Variants in ZNF556 observed in about 807,000 individuals in gnomAD.
ZNF556 encodes zinc finger protein 556.
ZNF556 carries 11 observed loss-of-function variants against 13.6 expected under a neutral mutation model. The observed-to-expected ratio is 0.81, with a 90% CI of 0.51 to 1.33. The LOEUF (loss-of-function observed/expected upper bound fraction) is 1.33. ZNF556 is among the 40% of genes most tolerant of loss of function. ZNF556 has a pLI of 0.00. For missense variants in ZNF556, 633 were observed against 566.2 expected (o/e 1.12, Z -1.20); for synonymous variants, 229 against 207.8 (o/e 1.10, Z -0.88).
rs972245489 is a variant in ZNF556, at chr19:2,883,389, A to T, written c.*5060A>T. ...CCATATGCTTAGACTTCCAGCAGCT[A>T]TTAGAAGAGAAAAATATGTAACAGC... On this transcript the variant is annotated 3_prime_UTR_variant, in exon 4 of 4. Transcript: ENST00000307635. 1 of 152,176 alleles carries T rather than the reference A, an allele frequency of 6.6e-6. No individual in the cohort carries two copies. Among genetic ancestry groups the T allele is most frequent in the Non-Finnish European group, 1.5e-5 (1 of 68,036 alleles). The allele number at this position is 152,176 out of a possible 1,614,324, so 9.4% of individuals were successfully genotyped here. A position where few individuals can be genotyped will look rare whatever the true frequency, so the allele number is the denominator to read the frequency against.
chr19:2,878,743 A>G lies in ZNF556; in HGVS notation c.*414A>G, dbSNP rs979812450. The G allele has an allele frequency of 1.9e-5, 3 of 159,648 alleles. No individual in the cohort carries two copies. Among genetic ancestry groups the G allele is most frequent in the Non-Finnish European group, 2.8e-5 (2 of 72,396 alleles). The allele number at this position is 159,648 out of a possible 1,614,324, so 9.9% of individuals were successfully genotyped here. ...TTATAAATATGGTATTGCCTTTATC[A>G]GGACCACATCCTAAAAGTGGGCCTC... On this transcript the variant is annotated 3_prime_UTR_variant, in exon 4 of 4. Transcript: ENST00000307635.
chr19:2,877,733 T>C lies in ZNF556; in HGVS notation c.775T>C (p.Tyr259His), dbSNP rs750065252. ...HVMMHAGGRP[Y>H]ECKHCGKAFR... is the part of the protein sequence containing the mutation. ...GATGATGCACGCCGGAGGGAGACCG[T>C]ATGAGTGCAAGCACTGTGGGAAAGC... Residue 259 changes from tyrosine to histidine, a missense_variant, in exon 4 of 4, where the codon TAT (tyrosine) becomes CAT (histidine). Coordinates refer to ENST00000307635, the MANE Select transcript of ZNF556 (RefSeq NM_024967.3). 6.8e-6 allele frequency: 11 copies of C among 1,613,438 alleles called. No homozygotes were observed. In the East Asian group the frequency reaches 2.5e-4, roughly 36 times the overall value.
At chr19:2,872,845 C>T (rs1294212966) in intron 1 of ZNF556, among the ~76,000 whole-genome samples, 2 of 146,240 alleles carry the variant, frequency 1.4e-5, no homozygotes, top group Non-Finnish European at 3.0e-5. Flanking sequence ...AAGAAATATA[C>T]TAAAAGGCCG....
In ZNF556 at chr19:2,876,138, A is replaced by G. The variant is rs2064817748; in HGVS notation, c.176A>G (p.Asp59Gly). 6.2e-7 allele frequency: 1 copy of G among 1,612,940 alleles called. No homozygotes were observed. Among genetic ancestry groups the G allele is most frequent in the Non-Finnish European group, 8.5e-7 (1 of 1,179,740 alleles). ...LKASGSISQQ[D>G]TSGEKLSLKQ... ...GCCAGTGGGTCTATTTCTCAGCAGG[A>G]TACTTCTGGAGAAAAATTATCCCTC... The change falls in exon 3 of 4, where the codon GAT becomes GGT. Residue 59 changes from aspartate (D) to glycine (G), a missense_variant. Physicochemically the swap from Asp to Gly is moderately conservative, Grantham distance 94. Coordinates refer to ENST00000307635, the MANE Select transcript of ZNF556 (RefSeq NM_024967.3).
Position 2,876,123 on chromosome 19 carries a change from C to A in ZNF556, c.161C>A (p.Ser54Tyr). ...DNEAQLKASG[S>Y]ISQQDTSGEK... The stretch of plus-strand genomic sequence containing the variant: ...GAGGCTCAGCTTAAAGCCAGTGGGT[C>A]TATTTCTCAGCAGGATACTTCTGGA... The change falls in exon 3 of 4, where the codon TCT (serine) becomes TAT (tyrosine). Residue 54 changes from serine to tyrosine, a missense_variant. Transcript: ENST00000307635. The A allele has an allele frequency of 6.2e-7, 1 of 1,611,606 alleles. No individual in the cohort carries two copies. Among genetic ancestry groups the A allele is most frequent in the South Asian group, 1.1e-5 (1 of 90,222 alleles).
At position 2,880,236 on chromosome 19, in the gene ZNF556, T is replaced by TTTGA. The variant is rs1488157466; in HGVS notation, c.*1910_*1913dup. ...TCTCAGTATGTGTTCAGTTATTATG[T>TTTGA]TTGATTATGTATTATTAAAACAAAA... is the stretch of plus-strand genomic sequence containing the variant. On this transcript the variant is annotated 3_prime_UTR_variant, in exon 4 of 4. Transcript: ENST00000307635. 9 of 152,274 alleles carry TTTGA rather than the reference T, an allele frequency of 5.9e-5. No individual in the cohort carries two copies. The East Asian group carries it at 1.7e-3, about 29-fold the overall frequency. 9.4% of individuals were successfully genotyped at this position (152,274 alleles called of 1,614,324 possible).
In ZNF556 at chr19:2,879,299, T is replaced by A. The variant is rs538088704; in HGVS notation, c.*970T>A. ...ATTTTTTTCATCTGTTGCTGTTTGC[T>A]CTTTGACCTGGCTTCTGGGTTGGAA... is the stretch of plus-strand genomic sequence containing the variant. On this transcript the variant is annotated 3_prime_UTR_variant, in exon 4 of 4. Coordinates refer to ENST00000307635, the MANE Select transcript of ZNF556 (RefSeq NM_024967.3). 1 of 152,278 alleles carries A rather than the reference T, an allele frequency of 6.6e-6. No homozygotes were observed. Among genetic ancestry groups the A allele is most frequent in the African/African-American group, 2.4e-5 (1 of 41,566 alleles). 9.4% of individuals were successfully genotyped at this position (152,278 alleles called of 1,614,324 possible).
intron 1 of ZNF556, among the ~76,000 whole-genome samples, chr19:2,869,369 A>T (rs200971999): frequency 1.6e-4 from 21 of 134,940 alleles, no homozygotes; most frequent in Non-Finnish European, 3.2e-4. Flanking sequence ...CTCTTTTTTT[A>T]AATTTTTTAT....
Position 2,867,473 on chromosome 19 carries a change from G to A in ZNF556, c.3+49G>A, listed in dbSNP as rs1200388175. ...CCGGAGCCGGAGCCCTGGGAGGGGA[G>A]GGTTGGAAGCGGCCAGAACACGCTG... On this transcript the variant is annotated intron_variant, in intron 1 of 3. Coordinates refer to ENST00000307635, the MANE Select transcript of ZNF556 (RefSeq NM_024967.3). 3.2e-6 allele frequency: 5 copies of A among 1,569,800 alleles called. No homozygotes were observed. In the African/African-American group the frequency reaches 4.0e-5, roughly 13 times the overall value.
rs1049774792 is a variant in ZNF556, at chr19:2,882,579, G to A, written c.*4250G>A. On this transcript the variant is annotated 3_prime_UTR_variant, in exon 4 of 4. Coordinates refer to ENST00000307635, the MANE Select transcript of ZNF556 (RefSeq NM_024967.3). ...GTGTGTGTGTGTGAATGTGTGTGAC[G>A]GAGTTTTGCTCTGTTGCCAGGCTGG... The A allele has an allele frequency of 4.4e-5, 5 of 112,854 alleles. No individual in the cohort carries two copies. Among genetic ancestry groups the A allele is most frequent in the East Asian group, 3.8e-4 (1 of 2,646 alleles). 7.0% of individuals were successfully genotyped at this position (112,854 alleles called of 1,614,324 possible). A position where few individuals can be genotyped will look rare whatever the true frequency, so the allele number is the denominator to read the frequency against.
Position 2,882,822 on chromosome 19 carries a change from G to A in ZNF556, c.*4493G>A, listed in dbSNP as rs1471635036. On this transcript the variant is annotated 3_prime_UTR_variant, in exon 4 of 4. Coordinates refer to ENST00000307635, the MANE Select transcript of ZNF556 (RefSeq NM_024967.3). ...GCCCGCCTTGGCCTCCCGCAGAGCT[G>A]GGATTACAGGCGTGAGCCACCGCAC... 3.3e-5 allele frequency: 5 copies of A among 152,302 alleles called. No individual in the cohort carries two copies. The highest frequency in any genetic ancestry group is 5.9e-5 in the Non-Finnish European group (4 of 68,142). The allele number at this position is 152,302 out of a possible 1,614,324, so 9.4% of individuals were successfully genotyped here. A position where few individuals can be genotyped will look rare whatever the true frequency, so the allele number is the denominator to read the frequency against.
intron 1 of ZNF556, among the ~76,000 whole-genome samples, chr19:2,869,709 A>C (rs2087786722): frequency 6.6e-6 from 1 of 151,950 alleles, no homozygotes. Flanking sequence ...CTGCACTGTG[A>C]CACCCAAGCT....
chr19:2,882,025 G>A lies in ZNF556; in HGVS notation c.*3696G>A, dbSNP rs1057495747. On this transcript the variant is annotated 3_prime_UTR_variant, in exon 4 of 4. Coordinates refer to ENST00000307635, the MANE Select transcript of ZNF556 (RefSeq NM_024967.3). ...ACTCAGGAGGCTGAGGGTGGAGGATGGCTTGAGACCAAGAGGTCCAGGCTG... is the reference window on the plus strand; with the variant it reads ...ACTCAGGAGGCTGAGGGTGGAGGATAGCTTGAGACCAAGAGGTCCAGGCTG... 1 of 152,140 alleles carries A rather than the reference G, an allele frequency of 6.6e-6. No homozygotes were observed. The highest frequency in any genetic ancestry group is 1.5e-5 in the Non-Finnish European group (1 of 68,036). 9.4% of individuals were successfully genotyped at this position (152,140 alleles called of 1,614,324 possible).
In ZNF556 at chr19:2,877,873, C is replaced by A; in HGVS notation, c.915C>A (p.His305Gln). ...AYCWATSFQRHVRIHNGEKPY... is the reference protein window; with the variant it reads ...AYCWATSFQRQVRIHNGEKPY... ...GCTGGGCAACATCCTTTCAACGACACGTGAGAATTCACAACGGGGAGAAAC... is the reference window on the plus strand; with the variant it reads ...GCTGGGCAACATCCTTTCAACGACAAGTGAGAATTCACAACGGGGAGAAAC... Residue 305 changes from histidine to glutamine, a missense_variant, in exon 4 of 4, where the codon CAC (histidine) becomes CAA (glutamine). His to Gln is a conservative substitution (Grantham distance 24). Transcript: ENST00000307635. 1.9e-6 allele frequency: 3 copies of A among 1,614,158 alleles called. No individual in the cohort carries two copies. Among genetic ancestry groups the A allele is most frequent in the Non-Finnish European group, 8.5e-7 (1 of 1,180,036 alleles).
At chr19:2,875,189 A>G (rs2087840371) in intron 2 of ZNF556, 1 of 151,842 alleles carries the variant, frequency 6.6e-6, no homozygotes, top group Non-Finnish European at 1.5e-5. Flanking sequence ...AACACCTTCA[A>G]TTATTACTAT....
In ZNF556 at chr19:2,867,370, A is replaced by T; in HGVS notation, c.-52A>T. ...AGGTGTCCCCGTCGTGCTCACCTGC[A>T]CCGGCTGCGAGGAGCAGGGAGCTCC... is the stretch of plus-strand genomic sequence containing the variant. On this transcript the variant is annotated 5_prime_UTR_variant, in exon 1 of 4. Transcript: ENST00000307635. 13 of 1,567,136 alleles carry T rather than the reference A, an allele frequency of 8.3e-6. No individual in the cohort carries two copies. Among genetic ancestry groups the T allele is most frequent in the Non-Finnish European group, 1.1e-5 (13 of 1,155,546 alleles).
chr19:2,870,746 C>CAAA (rs1166819886), intron 1 of ZNF556, among the ~76,000 whole-genome samples: 1 of 78,872 alleles, frequency 1.3e-5, no homozygotes, highest in Non-Finnish European at 2.6e-5. Context: ...GACTCCATCT[C>CAAA]AAAAAAAAAA....
chr19:2,868,957 G>C (rs2087779982), intron 1 of ZNF556, among the ~76,000 whole-genome samples: 1 of 152,122 alleles, frequency 6.6e-6, no homozygotes, highest in Non-Finnish European at 1.5e-5. Flanking sequence ...GACCTCAGCT[G>C]ATCCACCCAC....
rs57053138 is a variant in ZNF556 at position 2,882,531 on chromosome 19, A to ATATATATATAGTGTGTGTGTGT, written c.*4202_*4203insTATATATATAGTGTGTGTGTGT. 2 of 127,720 alleles carry ATATATATATAGTGTGTGTGTGT rather than the reference A, an allele frequency of 1.6e-5. No homozygotes were observed. The highest frequency in any genetic ancestry group is 3.0e-5 in the African/African-American group (1 of 32,938). The allele number at this position is 127,720 out of a possible 1,614,324, so 7.9% of individuals were successfully genotyped here. ...ATACATTTTATATATATATATATAT[A>ATATATATATAGTGTGTGTGTGT]GTGTGTGTGTGTGTGTGTGTGTGTG... On this transcript the variant is annotated 3_prime_UTR_variant, in exon 4 of 4. Coordinates refer to ENST00000307635, the MANE Select transcript of ZNF556 (RefSeq NM_024967.3).
Sources: gnomAD v4.1 joint callset for allele counts (sites outside exome capture counted in the v4.1 genomes callset) on GRCh38, gnomAD v4.1.1 for gene constraint, MANE v1.5 for transcripts, NCBI Gene and HGNC (gene_info 2026-07-23, HGNC 2026-07-21) for gene names.